RALGPS1: variants seen among roughly 807,000 people sequenced by gnomAD.
The protein encoded by RALGPS1 is Ral GEF with PH domain and SH3 binding motif 1, also known as ras-specific guanine nucleotide-releasing factor RalGPS1.
Under a neutral mutation model 78.8 loss-of-function variants are expected in RALGPS1, and 19 were observed. That is an observed-to-expected ratio of 0.24 (90% confidence interval 0.17 to 0.35). RALGPS1 has a LOEUF of 0.35. Among genes scored for constraint, RALGPS1 ranks in the 10% least tolerant of loss-of-function variants. RALGPS1 has a pLI of 1.00. For synonymous variants in RALGPS1, 228 were observed against 256.3 expected, an observed-to-expected ratio of 0.89 and a Z score of 1.06; for missense variants, 454 against 688.3, an observed-to-expected ratio of 0.66 and a Z score of 3.81.
At chr9:126,979,934 G>A (rs978595490) in intron 4 of RALGPS1, among the ~76,000 whole-genome samples, 1 of 152,162 alleles carries the variant, frequency 6.6e-6, no homozygotes, top group Non-Finnish European at 1.5e-5. Flanking sequence ...CTTGATGGGG[G>A]TCTGAAACCT....
intron 1 of RALGPS1, among the ~76,000 whole-genome samples, chr9:126,945,489 C>T (rs529522209): frequency 1.2e-4 from 18 of 152,308 alleles, no homozygotes; most frequent in East Asian, 1.2e-3. Context: ...TGAGCCACTT[C>T]GCTTGGCCTT....
At chr9:127,077,187 T>C (rs557390589) in intron 8 of RALGPS1, among the ~76,000 whole-genome samples, 1 of 152,292 alleles carries the variant, frequency 6.6e-6, no homozygotes, top group East Asian at 1.9e-4. Context: ...TCACCTTGGC[T>C]GCAGCAAGTG....
intron 2 of RALGPS1, 85 bp from the exon 3 acceptor site, chr9:126,965,759 C>T: frequency 1.0e-6 from 1 of 998,836 alleles, no homozygotes; most frequent in Middle Eastern, 2.1e-4. Context: ...CATTGCTCTC[C>T]CATCCTGAAT....
chr9:127,149,636 A>G (rs964806231), intron 8 of RALGPS1, among the ~76,000 whole-genome samples: 41 of 152,222 alleles, frequency 2.7e-4, no homozygotes, highest in African/African-American at 9.9e-4. Flanking sequence ...GGGACCACAC[A>G]ACTCAGCTCC....
chr9:126,919,305 G>A (rs926741246), intron 1 of RALGPS1, among the ~76,000 whole-genome samples: 2 of 152,134 alleles, frequency 1.3e-5, no homozygotes, highest in Non-Finnish European at 2.9e-5. Context: ...GTATTGGTTA[G>A]CAGTCATTGT....
chr9:126,924,368 G>T (rs2035061780), intron 1 of RALGPS1, among the ~76,000 whole-genome samples: 1 of 152,194 alleles, frequency 6.6e-6, no homozygotes, highest in South Asian at 2.1e-4. Context: ...AGTGCCTGTT[G>T]TGGTCTGTTA....
chr9:127,108,190 T>A (rs1405304993), intron 8 of RALGPS1: 2 of 1,614,106 alleles, frequency 1.2e-6, no homozygotes, highest in Non-Finnish European at 1.7e-6. Context: ...CTGGTACTTG[T>A]GCTCCAGGTC....
At chr9:127,167,168 G>A (rs1205666626) in intron 9 of RALGPS1, among the ~76,000 whole-genome samples, 2 of 152,196 alleles carry the variant, frequency 1.3e-5, no homozygotes, top group African/African-American at 4.8e-5. Flanking sequence ...TAGGGTGTGA[G>A]AAAATCCACA....
intron 3 of RALGPS1, among the ~76,000 whole-genome samples, chr9:126,975,747 A>G (rs1231386620): frequency 6.6e-6 from 1 of 152,170 alleles, no homozygotes; most frequent in Non-Finnish European, 1.5e-5. Context: ...TGGCCACTCA[A>G]CACCCAGATT....
intron 8 of RALGPS1, among the ~76,000 whole-genome samples, chr9:127,082,689 C>T (rs955392341): frequency 6.6e-6 from 1 of 152,150 alleles, no homozygotes; most frequent in African/African-American, 2.4e-5. Context: ...GCTCACTTAC[C>T]TCTTTGATGT....
chr9:127,209,949 A>G (rs1460057167), intron 14 of RALGPS1, among the ~76,000 whole-genome samples: 1 of 152,204 alleles, frequency 6.6e-6, no homozygotes, highest in East Asian at 1.9e-4. Flanking sequence ...AGAATAGGCC[A>G]TGCCTCAAGG....
At chr9:127,199,368 T>C (rs780463863) in intron 14 of RALGPS1, among the ~76,000 whole-genome samples, 2 of 152,202 alleles carry the variant, frequency 1.3e-5, no homozygotes, top group African/African-American at 2.4e-5. Context: ...TGTGGGTTCT[T>C]GAAACCAAAA....
At chr9:127,092,089 T>G in intron 8 of RALGPS1, 7 of 945,500 alleles carry the variant, frequency 7.4e-6, no homozygotes, top group Non-Finnish European at 1.1e-5. Flanking sequence ...CTCCACCTCT[T>G]AATCTCTCCA....
At chr9:126,995,932 T>C (rs36079859) in intron 4 of RALGPS1, among the ~76,000 whole-genome samples, 88,224 of 150,964 alleles carry the variant, frequency 0.58, 29,847 homozygotes, top group East Asian at 0.81. Context: ...TGAATGACTA[T>C]TGGGTAAATA....
At chr9:127,196,382 G>A (rs2061348000) in intron 12 of RALGPS1, 92 bp from the exon 13 acceptor site, 27 of 1,455,988 alleles carry the variant, frequency 1.9e-5, no homozygotes, top group Non-Finnish European at 2.5e-5. Flanking sequence ...TTTTCCTGCA[G>A]CTGCACCATC....
Position 127,052,160 on chromosome 9 carries a change from G to A in RALGPS1, c.391-687G>A, listed in dbSNP as rs188419360. On this transcript the variant is annotated intron_variant, in intron 6 of 18. Coordinates refer to ENST00000259351, the MANE Select transcript of RALGPS1 (RefSeq NM_014636.3). Reference sequence around the variant, plus strand: ...ACCAGGTCTTTTGATTCCATAGAGCGTGCCTAATAACCCAAACTTCATTGA... The same window carrying A: ...ACCAGGTCTTTTGATTCCATAGAGCATGCCTAATAACCCAAACTTCATTGA... 3.0e-3 allele frequency among the ~76,000 whole-genome samples: 456 copies of A among 152,318 alleles called. 3 individuals are homozygous for A. Among genetic ancestry groups the A allele is most frequent in the African/African-American group, 9.8e-3 (406 of 41,576 alleles).
At chr9:127,197,200 C>T (rs2061392195) in intron 13 of RALGPS1, among the ~76,000 whole-genome samples, 1 of 152,220 alleles carries the variant, frequency 6.6e-6, no homozygotes, top group African/African-American at 2.4e-5. Flanking sequence ...GCTGCTGAGG[C>T]TGGGATAAGA....
chr9:127,019,453 G>C (rs955189317), intron 4 of RALGPS1, among the ~76,000 whole-genome samples: 1 of 151,714 alleles, frequency 6.6e-6, no homozygotes, highest in Non-Finnish European at 1.5e-5. Context: ...TCAGCCTCCC[G>C]AGTAGCTGTG....
intron 1 of RALGPS1, among the ~76,000 whole-genome samples, chr9:126,950,534 T>C (rs2037711121): frequency 6.6e-6 from 1 of 152,044 alleles, no homozygotes; most frequent in South Asian, 2.1e-4. Context: ...CTCAACTACA[T>C]GGAAACTGAA....
Sources: allele counts gnomAD v4.1 joint callset (sites outside exome capture counted in the v4.1 genomes callset), GRCh38; gene constraint gnomAD v4.1.1; transcripts MANE v1.5; gene names NCBI Gene and HGNC (gene_info 2026-07-23, HGNC 2026-07-21).